Variants in DUSP5 observed in about 807,000 individuals in gnomAD.
DUSP5 encodes dual specificity protein phosphatase 5.
A neutral mutation model predicts 33.6 loss-of-function variants in DUSP5; 22 were observed. The observed-to-expected ratio is 0.66, with a 90% CI of 0.47 to 0.94. The LOEUF is 0.94. Among genes scored for constraint, DUSP5 ranks in the 40% least tolerant of loss-of-function variants. DUSP5 has a pLI of 0.00. For synonymous variants in DUSP5, 270 were observed against 231.1 expected, an observed-to-expected ratio of 1.17 and a Z score of -1.53; for missense variants, 551 against 522.1, an observed-to-expected ratio of 1.06 and a Z score of -0.54.
rs753071501 is a variant in DUSP5 at position 110,509,989 on chromosome 10, A to G, written c.749-31A>G. On this transcript the variant is annotated intron_variant, in intron 3 of 3. Coordinates refer to ENST00000369583, the MANE Select transcript of DUSP5 (RefSeq NM_004419.4). Reference sequence around the variant, plus strand: ...CCATTGCCCTTAGATTCTAATCCCAACTCACTCCCACCATCTTTTCTTCCT... The same window carrying G: ...CCATTGCCCTTAGATTCTAATCCCAGCTCACTCCCACCATCTTTTCTTCCT... 7 of 1,550,978 alleles carry G rather than the reference A, an allele frequency of 4.5e-6. No individual in the cohort carries two copies. In the Middle Eastern group the frequency reaches 8.6e-4, roughly 191 times the overall value.
chr10:110,510,190 A>T lies in DUSP5; in HGVS notation c.919A>T (p.Met307Leu), dbSNP rs781015299. 3.0e-5 allele frequency: 49 copies of T among 1,614,088 alleles called. No individual in the cohort carries two copies. Among genetic ancestry groups the T allele is most frequent in the Non-Finnish European group, 4.0e-5 (47 of 1,180,034 alleles). ...RSMVSPNFGF[M>L]GQLLQYESEI... is the part of the protein sequence containing the mutation. ...CATGGTCTCGCCCAACTTTGGCTTC[A>T]TGGGCCAGCTCCTGCAGTACGAATC... Residue 307 changes from methionine to leucine, a missense_variant, in exon 4 of 4, where the codon ATG becomes TTG. By Grantham distance (15) the Met-to-Leu change is conservative. Coordinates refer to ENST00000369583, the MANE Select transcript of DUSP5 (RefSeq NM_004419.4).
chr10:110,509,877 G>GC, intron 3 of DUSP5, 143 bp from the exon 4 acceptor site: 1 of 1,125,124 alleles, frequency 8.9e-7, no homozygotes, highest in Admixed American at 2.6e-5. Context: ...TTAAAGACTG[G>GC]CAGAAGTGTA....
Position 110,498,184 on chromosome 10 carries a change from G to C in DUSP5, c.63G>C (p.Ala21=). The part of the protein sequence containing the change: ...LRKMLRKEAA[A]RCVVLDCRPY... ...AGATGCTCCGCAAGGAGGCGGCGGCGCGCTGCGTGGTGCTCGACTGCCGGC... is the reference window on the plus strand; with the variant it reads ...AGATGCTCCGCAAGGAGGCGGCGGCCCGCTGCGTGGTGCTCGACTGCCGGC... The change falls in exon 1 of 4, where the codon GCG becomes GCC. Residue 21 remains alanine, a synonymous_variant. Coordinates refer to ENST00000369583, the MANE Select transcript of DUSP5 (RefSeq NM_004419.4). 6.7e-7 allele frequency: 1 copy of C among 1,497,840 alleles called. No homozygotes were observed. Among genetic ancestry groups the C allele is most frequent in the South Asian group, 1.2e-5 (1 of 84,616 alleles). 92.8% of individuals were successfully genotyped at this position (1,497,840 alleles called of 1,614,324 possible).
chr10:110,507,036 T>C lies in DUSP5; in HGVS notation c.630T>C (p.Asn210=), dbSNP rs758130045. 91 of 1,614,132 alleles carry C rather than the reference T, an allele frequency of 5.6e-5. No homozygotes were observed. The highest frequency in any genetic ancestry group is 7.2e-5 in the Non-Finnish European group (85 of 1,180,046). ...ACCTGCACATCACAGCCCTGCTGAA[T>C]GTCTCCCGACGGACCTCCGAGGCCT... ...LANLHITALL[N]VSRRTSEACA... is the part of the protein sequence containing the mutation. Residue 210 remains asparagine (N), a synonymous_variant, in exon 3 of 4, where the codon AAT becomes AAC. Transcript: ENST00000369583.
At chr10:110,504,835 A>G (rs538868770) in intron 2 of DUSP5, among the ~76,000 whole-genome samples, 58 of 152,340 alleles carry the variant, frequency 3.8e-4, no homozygotes, top group African/African-American at 1.1e-3. Context: ...TAATGCATTC[A>G]TTATCCCATT....
Position 110,498,435 on chromosome 10 carries a change from C to A in DUSP5, c.314C>A (p.Ala105Glu). 6.5e-7 allele frequency: 1 copy of A among 1,537,032 alleles called. No homozygotes were observed. The highest frequency in any genetic ancestry group is 1.9e-5 in the Admixed American group (1 of 52,896). The change falls in exon 1 of 4, where the codon GCG becomes GAG. Residue 105 changes from alanine to glutamate, a missense_variant. Around this residue, in one of 3 missense-constraint regions of DUSP5, gnomAD observed 381 missense variants for 310.4 expected, o/e 1.23. Transcript: ENST00000369583. ...HWQKLREESA[A>E]RVVLTSLLAC... ...CAGAAGCTGCGAGAGGAGAGCGCCG[C>A]GCGTGTCGTCCTCACCTCGCTACTC...
chr10:110,509,698 A>G (rs988845060), intron 3 of DUSP5, among the ~76,000 whole-genome samples: 3 of 152,228 alleles, frequency 2.0e-5, no homozygotes, highest in Non-Finnish European at 4.4e-5. Context: ...CCAGGAAGGG[A>G]CTGCTCCAGG....
rs114603867 is a variant in DUSP5 at position 110,510,234 on chromosome 10, G to A, written c.963G>A (p.Thr321=). The A allele has an allele frequency of 8.7e-6, 14 of 1,613,972 alleles. No individual in the cohort carries two copies. The highest frequency in any genetic ancestry group is 6.7e-5 in the African/African-American group (5 of 74,920). Residue 321 remains threonine, a synonymous_variant, in exon 4 of 4, where the codon ACG becomes ACA. Transcript: ENST00000369583. ...ACGAATCTGAGATCCTGCCCTCCAC[G>A]CCCAACCCCCAGCCTCCCTCCTGCC... The part of the protein sequence containing the change: ...LQYESEILPS[T]PNPQPPSCQG...
intron 2 of DUSP5, among the ~76,000 whole-genome samples, chr10:110,505,575 G>T (rs575931028): frequency 2.6e-5 from 4 of 152,174 alleles, no homozygotes; most frequent in Non-Finnish European, 5.9e-5. Flanking sequence ...CCTGTCCCAC[G>T]CACCCTTCCC....
Position 110,502,877 on chromosome 10 carries a change from A to G in DUSP5, c.528+8A>G, listed in dbSNP as rs750993913. 2 of 1,614,136 alleles carry G rather than the reference A, an allele frequency of 1.2e-6. No individual in the cohort carries two copies. The highest frequency in any genetic ancestry group is 2.7e-5 in the African/African-American group (2 of 75,028). ...AGGCCAGCTTATGACCAGGTACGTGATGTGATGGGGAAGAGGTATCCTGAG... is the reference window on the plus strand; with the variant it reads ...AGGCCAGCTTATGACCAGGTACGTGGTGTGATGGGGAAGAGGTATCCTGAG... On this transcript the variant is annotated splice_region_variant and intron_variant, in intron 2 of 3. Coordinates refer to ENST00000369583, the MANE Select transcript of DUSP5 (RefSeq NM_004419.4).
intron 1 of DUSP5, among the ~76,000 whole-genome samples, chr10:110,500,991 G>A (rs1319167852): frequency 1.3e-5 from 2 of 152,192 alleles, no homozygotes; most frequent in Non-Finnish European, 2.9e-5. Flanking sequence ...CCAAAAGATG[G>A]GGTAGCCTGA....
chr10:110,507,023 C>G lies in DUSP5; in HGVS notation c.617C>G (p.Thr206Arg). Residue 206 changes from threonine to arginine, a missense_variant, in exon 3 of 4, where the codon ACA (threonine) becomes AGA (arginine). Coordinates refer to ENST00000369583, the MANE Select transcript of DUSP5 (RefSeq NM_004419.4). ...KCEFLANLHI[T>R]ALLNVSRRTS... ...GAGTTCCTCGCCAACCTGCACATCA[C>G]AGCCCTGCTGAATGTCTCCCGACGG... The G allele has an allele frequency of 1.2e-6, 2 of 1,614,294 alleles. No homozygotes were observed. The highest frequency in any genetic ancestry group is 4.5e-5 in the East Asian group (2 of 44,888).
Position 110,507,105 on chromosome 10 carries a change from C to T in DUSP5, c.699C>T (p.Ser233=), listed in dbSNP as rs1339280598. 1 of 1,614,010 alleles carries T rather than the reference C, an allele frequency of 6.2e-7. No individual in the cohort carries two copies. Among genetic ancestry groups the T allele is most frequent in the Non-Finnish European group, 8.5e-7 (1 of 1,180,046 alleles). ...ACAAATGGATCCCTGTGGAAGACAG[C>T]CACACGGCTGACATTAGCTCCCACT... is the stretch of plus-strand genomic sequence containing the variant. The part of the protein sequence containing the change: ...LHYKWIPVED[S]HTADISSHFQ... Residue 233 remains serine, a synonymous_variant, in exon 3 of 4, where the codon AGC becomes AGT. Transcript: ENST00000369583.
intron 1 of DUSP5, among the ~76,000 whole-genome samples, chr10:110,500,278 A>G (rs1029909703): frequency 2.6e-5 from 4 of 152,210 alleles, no homozygotes; most frequent in Admixed American, 1.3e-4. Flanking sequence ...TGTAATGACC[A>G]TTAGGTTGCG....
chr10:110,511,226 T>C lies in DUSP5; in HGVS notation c.*800T>C, dbSNP rs2134666594. Reference sequence around the variant, plus strand: ...TAGATTCCAGGAGGAGAAGGGTACTTGCTAGGTATCCTGGGTCAGTGGCGG... The same window carrying C: ...TAGATTCCAGGAGGAGAAGGGTACTCGCTAGGTATCCTGGGTCAGTGGCGG... On this transcript the variant is annotated 3_prime_UTR_variant, in exon 4 of 4. Transcript: ENST00000369583. 6.5e-6 allele frequency: 1 copy of C among 152,722 alleles called. No individual in the cohort carries two copies. Among genetic ancestry groups the C allele is most frequent in the Non-Finnish European group, 1.5e-5 (1 of 68,036 alleles). 9.5% of individuals were successfully genotyped at this position (152,722 alleles called of 1,614,324 possible). A position where few individuals can be genotyped will look rare whatever the true frequency, so the allele number is the denominator to read the frequency against.
At position 110,502,720 on chromosome 10, in the gene DUSP5, G is replaced by C; in HGVS notation, c.380-1G>C. ...TCTCACCTTTTTGTTTGTTTTTGTAGGGGGATATGAGACTTTCTACTCGGA... is the reference window on the plus strand; with the variant it reads ...TCTCACCTTTTTGTTTGTTTTTGTACGGGGATATGAGACTTTCTACTCGGA... On this transcript the variant is annotated splice_acceptor_variant, in intron 1 of 3. Coordinates refer to ENST00000369583, the MANE Select transcript of DUSP5 (RefSeq NM_004419.4). LOFTEE classifies it high-confidence loss of function. 6.2e-7 allele frequency: 1 copy of C among 1,612,234 alleles called. No homozygotes were observed. Among genetic ancestry groups the C allele is most frequent in the Non-Finnish European group, 8.5e-7 (1 of 1,178,972 alleles).
intron 1 of DUSP5, among the ~76,000 whole-genome samples, chr10:110,499,047 C>T (rs11594955): frequency 5.5e-4 from 84 of 152,260 alleles, no homozygotes; most frequent in South Asian, 1.0e-3. Flanking sequence ...TTCCCTCCGG[C>T]CTCTTCTCCC....
Position 110,511,007 on chromosome 10 carries a change from T to C in DUSP5, c.*581T>C, listed in dbSNP as rs1860186164. 1 of 152,690 alleles carries C rather than the reference T, an allele frequency of 6.5e-6. No homozygotes were observed. Among genetic ancestry groups the C allele is most frequent in the African/African-American group, 2.4e-5 (1 of 41,432 alleles). The allele number at this position is 152,690 out of a possible 1,614,324, so 9.5% of individuals were successfully genotyped here. A position where few individuals can be genotyped will look rare whatever the true frequency, so the allele number is the denominator to read the frequency against. ...ACCCTCTTGGGTCCAATGAGGTAGT[T>C]GGTTGAAGTAGCAAGATGTTGGCTT... On this transcript the variant is annotated 3_prime_UTR_variant, in exon 4 of 4. Coordinates refer to ENST00000369583, the MANE Select transcript of DUSP5 (RefSeq NM_004419.4).
rs1860187618 is a variant in DUSP5 at position 110,511,102 on chromosome 10, A to T, written c.*676A>T. The T allele has an allele frequency of 6.6e-6, 1 of 152,624 alleles. No homozygotes were observed. Among genetic ancestry groups the T allele is most frequent in the East Asian group, 1.9e-4 (1 of 5,200 alleles). 9.5% of individuals were successfully genotyped at this position (152,624 alleles called of 1,614,324 possible). ...TGGCATGATTCTTAGTCATACTTGA[A>T]CTTGTCTCATTCCACCTCTTCTCAG... On this transcript the variant is annotated 3_prime_UTR_variant, in exon 4 of 4. Transcript: ENST00000369583.
Sources: gnomAD v4.1 joint callset for allele counts (sites outside exome capture counted in the v4.1 genomes callset) on GRCh38, gnomAD v4.1.1 for gene constraint, gnomAD v4.1.1 regional missense constraint, MANE v1.5 for transcripts, NCBI Gene and HGNC (gene_info 2026-07-23, HGNC 2026-07-21) for gene names.